The following GSTK1 variants were observed in gnomAD, a reference collection of about 807,000 sequenced individuals.
The protein encoded by GSTK1 is glutathione S-transferase kappa 1.
In GSTK1, 25 loss-of-function variants were observed where a neutral mutation model predicts 30.9. That is an observed-to-expected ratio of 0.81 (90% CI 0.59 to 1.13). GSTK1 has a LOEUF of 1.13. Ranked by LOEUF, GSTK1 falls within the 50% of genes most tolerant of loss-of-function variation. GSTK1 has a pLI of 0.00. For synonymous variants in GSTK1, 108 were observed against 112.5 expected (o/e 0.96, Z 0.25); for missense variants, 292 against 292.4 (o/e 1.00, Z 0.01).
rs1038017662 is a variant in GSTK1, at chr7:143,268,071, A to G, written c.538-20A>G. ...CCTGCTCCTTTGCCTTCCTCCTTGC[A>G]TTGTAACTGCTTTCTCCAGGCCTTT... is the stretch of plus-strand genomic sequence containing the variant. On this transcript the variant is annotated intron_variant, in intron 6 of 7. Coordinates refer to ENST00000358406, the MANE Select transcript of GSTK1 (RefSeq NM_015917.3). The surrounding 1 kb of genome is among the most constrained non-coding windows in gnomAD (Gnocchi z 4.1). 5 of 1,596,662 alleles carry G rather than the reference A, an allele frequency of 3.1e-6. No individual in the cohort carries two copies. Among genetic ancestry groups the G allele is most frequent in the South Asian group, 1.1e-5 (1 of 90,158 alleles).
chr7:143,267,596 T>G (rs756238867), intron 5 of GSTK1, 21 bp from the exon 6 acceptor site: 2 of 1,536,922 alleles, frequency 1.3e-6, no homozygotes, highest in Non-Finnish European at 1.8e-6. Flanking sequence ...CACAGTTGTA[T>G]TCCCTACTAT....
intron 1 of GSTK1, 113 bp downstream of exon 1, chr7:143,263,698 G>C (rs932865022): frequency 6.2e-6 from 6 of 964,486 alleles, no homozygotes; most frequent in East Asian, 2.4e-5. Context: ...CGCCCAAGGG[G>C]TTAAGGCAAG....
At chr7:143,264,264 C>A in intron 2 of GSTK1, 97 bp downstream of exon 2, 2 of 1,080,592 alleles carry the variant, frequency 1.9e-6, no homozygotes, top group South Asian at 1.3e-5. Flanking sequence ...GAAAGCTGCC[C>A]TCTGCCCCGT....
intron 2 of GSTK1, 69 bp downstream of exon 2, chr7:143,264,236 T>A: frequency 7.4e-7 from 1 of 1,350,396 alleles, no homozygotes. Context: ...CGGGTCCTTA[T>A]ATTGGCACTG....
intron 5 of GSTK1, among the ~76,000 whole-genome samples, chr7:143,266,023 CTTTTTTTTT>C (rs11296238): frequency 1.4e-5 from 1 of 69,254 alleles, no homozygotes. Flanking sequence ...ATTTTCCATG[CTTTTTTTTT>C]TTTTTTTTTT....
chr7:143,267,567 C>A, intron 5 of GSTK1, 50 bp from the exon 6 acceptor site: 1 of 1,379,028 alleles, frequency 7.3e-7, no homozygotes, highest in Non-Finnish European at 1.0e-6. Flanking sequence ...TCTGAGATCC[C>A]CATCCAATAT....
intron 2 of GSTK1, 144 bp downstream of exon 2, chr7:143,264,311 T>A (rs1330125918): frequency 2.5e-6 from 2 of 795,762 alleles, no homozygotes; most frequent in Non-Finnish European, 4.1e-6. Context: ...GGCGTGGTAG[T>A]GCATGCCTGT....
Position 143,268,777 on chromosome 7 carries a change from T to C in GSTK1, c.632-11T>C. ...GAACAGTGTGCAGAGTCTGTTGTTT[T>C]CTTCATCCAGGAGAGAAGTGGATGG... On this transcript the variant is annotated splice_polypyrimidine_tract_variant and intron_variant, in intron 7 of 7. Coordinates refer to ENST00000358406, the MANE Select transcript of GSTK1 (RefSeq NM_015917.3). This position sits in a 1 kb window ranked among gnomAD's most constrained non-coding sequence, Gnocchi z 4.1. The C allele has an allele frequency of 6.2e-7, 1 of 1,613,648 alleles. No homozygotes were observed.
rs1044792254 is a variant in GSTK1, at chr7:143,269,070, A to G, written c.*233A>G. 15 of 563,452 alleles carry G rather than the reference A, an allele frequency of 2.7e-5. No homozygotes were observed. The highest frequency in any genetic ancestry group is 6.4e-6 in the Non-Finnish European group (2 of 314,636). 34.9% of individuals were successfully genotyped at this position (563,452 alleles called of 1,614,324 possible). A position where few individuals can be genotyped will look rare whatever the true frequency, so the allele number is the denominator to read the frequency against. On this transcript the variant is annotated 3_prime_UTR_variant, in exon 8 of 8. Coordinates refer to ENST00000358406, the MANE Select transcript of GSTK1 (RefSeq NM_015917.3). ...TCACAAGTGCCTTTCAGAGAGCCCC[A>G]ATTCTGCTTTCCCACAAAATAAACC...
chr7:143,266,840 T>C (rs1228337667), intron 5 of GSTK1, among the ~76,000 whole-genome samples: 2 of 151,794 alleles, frequency 1.3e-5, no homozygotes, highest in Non-Finnish European at 2.9e-5. Context: ...AAAAATTTTT[T>C]GTAGAGATGG....
In GSTK1 at chr7:143,267,748, A is replaced by T; in HGVS notation, c.537+15A>T. 2.0e-6 allele frequency: 3 copies of T among 1,538,084 alleles called. No individual in the cohort carries two copies. Among genetic ancestry groups the T allele is most frequent in the Non-Finnish European group, 2.7e-6 (3 of 1,111,636 alleles). On this transcript the variant is annotated intron_variant, in intron 6 of 7. Coordinates refer to ENST00000358406, the MANE Select transcript of GSTK1 (RefSeq NM_015917.3). ...GCAGATACGGAGTGAGCAGCTCTTT[A>T]TGTGTGTTCCCAGCACCCATCCTGA...
chr7:143,264,907 G>GGGGAT, intron 3 of GSTK1, 85 bp from the exon 4 acceptor site: 1 of 1,443,888 alleles, frequency 6.9e-7, no homozygotes. Context: ...AGGAGCTCTG[G>GGGGAT]GGGATGTCAG....
Position 143,264,077 on chromosome 7 carries a change from T to G in GSTK1, c.73-9T>G. ...CACACTGGCAATCGTTCTTGACCTC[T>G]GCCCGCAGATCCTGTGCCGGTATCA... On this transcript the variant is annotated splice_polypyrimidine_tract_variant and intron_variant, in intron 1 of 7. Transcript: ENST00000358406. 6.2e-7 allele frequency: 1 copy of G among 1,613,918 alleles called. No individual in the cohort carries two copies. Among genetic ancestry groups the G allele is most frequent in the African/African-American group, 1.3e-5 (1 of 75,048 alleles).
intron 1 of GSTK1, 35 bp downstream of exon 1, chr7:143,263,620 G>A: frequency 6.3e-7 from 1 of 1,582,094 alleles, no homozygotes; most frequent in Non-Finnish European, 8.6e-7. Context: ...GCAGTGTCTG[G>A]GGAGTGAGGG....
At position 143,268,037 on chromosome 7, in the gene GSTK1, T is replaced by G; in HGVS notation, c.538-54T>G. The G allele has an allele frequency of 7.3e-7, 1 of 1,375,632 alleles. No homozygotes were observed. Among genetic ancestry groups the G allele is most frequent in the Non-Finnish European group, 1.0e-6 (1 of 977,662 alleles). 85.2% of individuals were successfully genotyped at this position (1,375,632 alleles called of 1,614,324 possible). On this transcript the variant is annotated intron_variant, in intron 6 of 7. Coordinates refer to ENST00000358406, the MANE Select transcript of GSTK1 (RefSeq NM_015917.3). The surrounding 1 kb of genome is among the most constrained non-coding windows in gnomAD (Gnocchi z 4.1). ...GTACTGACTCAAAGGTTTCAACCCCTGCCTAATACCTGCTCCTTTGCCTTC... is the reference window on the plus strand; with the variant it reads ...GTACTGACTCAAAGGTTTCAACCCCGGCCTAATACCTGCTCCTTTGCCTTC...
Position 143,268,844 on chromosome 7 carries a change from C to G in GSTK1, c.*7C>G. On this transcript the variant is annotated 3_prime_UTR_variant, in exon 8 of 8. Coordinates refer to ENST00000358406, the MANE Select transcript of GSTK1 (RefSeq NM_015917.3). The surrounding 1 kb of genome is among the most constrained non-coding windows in gnomAD (Gnocchi z 4.1). ...CGTGAATGCCAGACTTTAAGATTGCCCGGAGGAAGCAAACTCTTCGTATAA... is the reference window on the plus strand; with the variant it reads ...CGTGAATGCCAGACTTTAAGATTGCGCGGAGGAAGCAAACTCTTCGTATAA... 2 of 1,613,264 alleles carry G rather than the reference C, an allele frequency of 1.2e-6. No homozygotes were observed. The highest frequency in any genetic ancestry group is 8.5e-7 in the Non-Finnish European group (1 of 1,179,298).
chr7:143,267,792 C>A, intron 6 of GSTK1, 59 bp downstream of exon 6: 2 of 1,251,962 alleles, frequency 1.6e-6, no homozygotes, highest in Non-Finnish European at 2.3e-6. Flanking sequence ...ACTTGAGAAT[C>A]TCTAAGTTTG....
rs1047344644 is a variant in GSTK1 at position 143,268,092 on chromosome 7, C to A, written c.539C>A (p.Ala180Asp). Residue 180 changes from alanine (A) to aspartate (D), a missense_variant and splice_region_variant, in exon 7 of 8, where the codon GCC becomes GAC. Coordinates refer to ENST00000358406, the MANE Select transcript of GSTK1 (RefSeq NM_015917.3). The surrounding 1 kb of genome is among the most constrained non-coding windows in gnomAD (Gnocchi z 4.1). ...ETTEAACRYGAFGLPITVAHV... is the reference protein window; with the variant it reads ...ETTEAACRYGDFGLPITVAHV... ...TTGCATTGTAACTGCTTTCTCCAGGCCTTTGGGCTGCCCATCACCGTGGCC... is the reference window on the plus strand; with the variant it reads ...TTGCATTGTAACTGCTTTCTCCAGGACTTTGGGCTGCCCATCACCGTGGCC... 1.9e-6 allele frequency: 3 copies of A among 1,612,672 alleles called. No individual in the cohort carries two copies. Among genetic ancestry groups the A allele is most frequent in the Admixed American group, 1.7e-5 (1 of 59,824 alleles).
chr7:143,267,507 G>A, intron 5 of GSTK1, 110 bp from the exon 6 acceptor site: 2 of 786,854 alleles, frequency 2.5e-6, no homozygotes, highest in East Asian at 2.4e-5. Flanking sequence ...GTGGGTAAGG[G>A]CATTGCCAGC....
Sources: allele counts gnomAD v4.1 joint callset (sites outside exome capture counted in the v4.1 genomes callset), GRCh38; gene constraint gnomAD v4.1.1; non-coding constraint Gnocchi (gnomAD v3.1); transcripts MANE v1.5; gene names NCBI Gene and HGNC (gene_info 2026-07-23, HGNC 2026-07-21).